The following TRIM34 variants were observed in gnomAD, a reference collection of about 807,000 sequenced individuals.
TRIM34 encodes tripartite motif containing 34, also known as E3 ubiquitin-protein ligase TRIM34.
Under a neutral mutation model 38.1 loss-of-function variants are expected in TRIM34, and 41 were observed. The observed-to-expected ratio is 1.08, with a 90% CI of 0.84 to 1.40. The LOEUF is 1.40. Ranked by LOEUF, TRIM34 falls within the 40% of genes most tolerant of loss-of-function variation. TRIM34 has a pLI of 0.00. For synonymous variants in TRIM34, 200 were observed against 202.5 expected, an observed-to-expected ratio of 0.99 and a Z score of 0.10; for missense variants, 556 against 571.4, an observed-to-expected ratio of 0.97 and a Z score of 0.27.
At chr11:5,627,548 A>G (rs911488520) in intron 1 of TRIM34, among the ~76,000 whole-genome samples, 2 of 152,218 alleles carry the variant, frequency 1.3e-5, no homozygotes, top group Admixed American at 1.3e-4. Flanking sequence ...AAAAGACATT[A>G]GGGATTGCTT....
chr11:5,625,376 T>A (rs1437879304), intron 1 of TRIM34, among the ~76,000 whole-genome samples: 1 of 152,052 alleles, frequency 6.6e-6, no homozygotes, highest in Non-Finnish European at 1.5e-5. Flanking sequence ...AAGGAAACAA[T>A]TCTCTCTCTC....
At chr11:5,636,829 G>C (rs977709274) in intron 4 of TRIM34, among the ~76,000 whole-genome samples, 2 of 152,108 alleles carry the variant, frequency 1.3e-5, no homozygotes, top group African/African-American at 4.8e-5. Flanking sequence ...AGGGACTTTG[G>C]CTATTCCTCT....
chr11:5,632,658 G>A lies in TRIM34; in HGVS notation c.327G>A (p.Lys109=), dbSNP rs773785855. The A allele has an allele frequency of 6.2e-7, 1 of 1,612,894 alleles. No homozygotes were observed. The part of the protein sequence containing the change: ...HHGEKLLLFC[K]EDRKVICWLC... ...GAGAGAAACTCCTACTCTTCTGTAAGGAGGATAGGAAAGTCATTTGCTGGC... is the reference window on the plus strand; with the variant it reads ...GAGAGAAACTCCTACTCTTCTGTAAAGAGGATAGGAAAGTCATTTGCTGGC... Residue 109 remains lysine, a synonymous_variant, in exon 2 of 8, where the codon AAG becomes AAA. Transcript: ENST00000429814.
chr11:5,642,746 A>G (rs1850068832), intron 6 of TRIM34, 71 bp from the exon 7 acceptor site: 1 of 1,595,306 alleles, frequency 6.3e-7, no homozygotes, highest in Non-Finnish European at 8.5e-7. Flanking sequence ...TCCCTACTCT[A>G]AAGAATATAT....
In TRIM34 at chr11:5,643,795, T is replaced by C. The variant is rs1850129339; in HGVS notation, c.*86T>C. 3 of 1,493,876 alleles carry C rather than the reference T, an allele frequency of 2.0e-6. No homozygotes were observed. The highest frequency in any genetic ancestry group is 2.7e-6 in the Non-Finnish European group (3 of 1,120,998). 92.5% of individuals were successfully genotyped at this position (1,493,876 alleles called of 1,614,324 possible). ...CTGCAACATTCACACCATTGCTTCC[T>C]TGTGGTTTCCCTTCTTTAGAACTTT... On this transcript the variant is annotated 3_prime_UTR_variant, in exon 8 of 8. Coordinates refer to ENST00000429814, the MANE Select transcript of TRIM34 (RefSeq NM_021616.6).
rs1264281263 is a variant in TRIM34, at chr11:5,632,413, C to A, written c.82C>A (p.Leu28Ile). ...GGAGCTGTTGACAGAACCCTTGAGT[C>A]TAGACTGTGGCCACAGCCTCTGCCG... ...CLELLTEPLS[L>I]DCGHSLCRAC... The change falls in exon 2 of 8, where the codon CTA becomes ATA. Residue 28 changes from leucine (L) to isoleucine (I), a missense_variant. By Grantham distance (5) the Leu-to-Ile change is conservative. Coordinates refer to ENST00000429814, the MANE Select transcript of TRIM34 (RefSeq NM_021616.6). 6.2e-7 allele frequency: 1 copy of A among 1,613,974 alleles called. No individual in the cohort carries two copies. The highest frequency in any genetic ancestry group is 8.5e-7 in the Non-Finnish European group (1 of 1,180,008).
At position 5,642,852 on chromosome 11, in the gene TRIM34, AAGTT is replaced by A; in HGVS notation, c.901+13_901+16del. 6.2e-7 allele frequency: 1 copy of A among 1,613,840 alleles called. No individual in the cohort carries two copies. The highest frequency in any genetic ancestry group is 2.2e-5 in the East Asian group (1 of 44,858). The stretch of plus-strand genomic sequence containing the variant: ...TGTCCGGTGCTACTGGGGTAAGAAA[AAGTT>A]AGTCTTTAAATAACTGTTTTCCAAT... On this transcript the variant is annotated intron_variant, in intron 7 of 7. Coordinates refer to ENST00000429814, the MANE Select transcript of TRIM34 (RefSeq NM_021616.6).
At chr11:5,627,295 G>A (rs193188082) in intron 1 of TRIM34, among the ~76,000 whole-genome samples, 17 of 151,880 alleles carry the variant, frequency 1.1e-4, no homozygotes, top group Admixed American at 2.0e-4. Flanking sequence ...CAAGAGAAGC[G>A]CTTGAACCCA....
At chr11:5,641,883 A>G (rs905041666) in intron 5 of TRIM34, among the ~76,000 whole-genome samples, 2 of 152,136 alleles carry the variant, frequency 1.3e-5, no homozygotes, top group Admixed American at 6.5e-5. Context: ...CGTGTTTCCC[A>G]GGAATCTGAA....
chr11:5,622,305 C>T (rs568247323), upstream of TRIM34, among the ~76,000 whole-genome samples: 282 of 152,128 alleles, frequency 1.9e-3, no homozygotes, highest in African/African-American at 6.3e-3. Context: ...ATTAGCCGGG[C>T]GTTGTGGCAG....
At chr11:5,622,212 G>C (rs1449949351), upstream of TRIM34, among the ~76,000 whole-genome samples, 2 of 152,164 alleles carry the variant, frequency 1.3e-5, no homozygotes, top group South Asian at 4.1e-4. Flanking sequence ...TCGGGAGGCC[G>C]AGGCAAGCAG....
chr11:5,623,973 C>T (rs75126505), upstream of TRIM34, among the ~76,000 whole-genome samples: 2,395 of 152,232 alleles, frequency 0.016, 68 homozygotes, highest in African/African-American at 0.055. Context: ...ATGCATACAG[C>T]ACAGAAAATG....
upstream of TRIM34, among the ~76,000 whole-genome samples, chr11:5,622,301 C>T (rs372642126): frequency 1.1e-4 from 17 of 152,146 alleles, no homozygotes; most frequent in East Asian, 1.5e-3. Context: ...AAAAATTAGC[C>T]GGGCGTTGTG....
chr11:5,639,050 T>C (rs1215873730), intron 4 of TRIM34, among the ~76,000 whole-genome samples: 1 of 152,122 alleles, frequency 6.6e-6, no homozygotes, highest in Non-Finnish European at 1.5e-5. Flanking sequence ...TCTTGGAAAG[T>C]TTCTTAATCT....
chr11:5,621,821 A>T (rs1257375629), upstream of TRIM34, among the ~76,000 whole-genome samples: 1 of 152,136 alleles, frequency 6.6e-6, no homozygotes, highest in Non-Finnish European at 1.5e-5. Context: ...CCAACCTGTG[A>T]CCTGGAAGCC....
chr11:5,621,171 G>A (rs75911453), upstream of TRIM34, among the ~76,000 whole-genome samples: 1,744 of 152,228 alleles, frequency 0.011, 29 homozygotes, highest in African/African-American at 0.041. Context: ...TGCAATGCCC[G>A]AGGCTCTGGA....
intron 1 of TRIM34, among the ~76,000 whole-genome samples, chr11:5,629,864 C>A (rs1849405869): frequency 6.6e-6 from 1 of 152,158 alleles, no homozygotes; most frequent in Admixed American, 6.5e-5. Context: ...CCCGCCGCCA[C>A]CCCTGGCTAA....
intron 3 of TRIM34, 151 bp from the exon 4 acceptor site, chr11:5,634,480 A>G (rs552868405): frequency 9.4e-6 from 4 of 426,074 alleles, no homozygotes; most frequent in Non-Finnish European, 1.4e-5. Context: ...ATATATATAC[A>G]GATAATATAA....
intron 1 of TRIM34, among the ~76,000 whole-genome samples, chr11:5,630,807 A>G (rs1316130471): frequency 6.6e-6 from 1 of 152,174 alleles, no homozygotes; most frequent in African/African-American, 2.4e-5. Flanking sequence ...ATTAGCTTCT[A>G]TCTTCTTAGG....
Sources: gnomAD v4.1 joint callset for allele counts (sites outside exome capture counted in the v4.1 genomes callset) on GRCh38, gnomAD v4.1.1 for gene constraint, MANE v1.5 for transcripts, NCBI Gene and HGNC (gene_info 2026-07-23, HGNC 2026-07-21) for gene names.